Variants in LRRC37A2 observed in about 807,000 individuals in gnomAD.
LRRC37A2 encodes the protein leucine-rich repeat-containing protein 37A2.
A neutral mutation model predicts 68.8 loss-of-function variants in LRRC37A2; 9 were observed. That is an observed-to-expected ratio of 0.13 (90% confidence interval 0.08 to 0.23). LRRC37A2 has a LOEUF of 0.23. Among genes scored for constraint, LRRC37A2 ranks in the 10% least tolerant of loss-of-function variants. The pLI is 1.00. For synonymous variants in LRRC37A2, 63 were observed against 367.6 expected (o/e 0.17, Z 9.48); for missense variants, 168 against 950.4 (o/e 0.18, Z 10.82).
the LRRC37A2 span, among the ~76,000 whole-genome samples, chr17:46,900,162 CATATACATATATATAT>C: frequency 0.012 from 1,243 of 101,106 alleles, 33 homozygotes; most frequent in African/African-American, 0.03. Flanking sequence ...TATATATATA[CATATACATATATATAT>C]ATATATATAT....
chr17:46,782,869 G>T, the LRRC37A2 span, among the ~76,000 whole-genome samples: 1 of 152,220 alleles, frequency 6.6e-6, no homozygotes, highest in South Asian at 2.1e-4. Flanking sequence ...CACCCTGCGG[G>T]TACTGAGCAC....
At chr17:47,027,686 C>T in the LRRC37A2 span, 3 of 811,542 alleles carry the variant, frequency 3.7e-6, no homozygotes, top group South Asian at 1.4e-5. Context: ...TAATTATAAA[C>T]CTCTTTGCTA....
the LRRC37A2 span, chr17:46,875,118 T>C: frequency 6.2e-7 from 1 of 1,613,834 alleles, no homozygotes; most frequent in South Asian, 1.1e-5. Context: ...AGAGACAGCT[T>C]TCCTGTACGC....
At chr17:46,834,552 C>G in the LRRC37A2 span, among the ~76,000 whole-genome samples, 9 of 152,314 alleles carry the variant, frequency 5.9e-5, no homozygotes, top group Non-Finnish European at 7.3e-5. Context: ...CTGATTTCAT[C>G]TCAAGAACGG....
At chr17:46,930,685 TTACTA>T in the LRRC37A2 span, 1 of 157,674 alleles carries the variant, frequency 6.3e-6, no homozygotes, top group Non-Finnish European at 1.4e-5. Context: ...AAAAAACTCA[TTACTA>T]TAGGGAATTC....
rs1453761428 is a variant in LRRC37A2, at chr17:46,544,965, C to T, written c.3054-1290C>T. Reference sequence around the variant, plus strand: ...TTTTTTAAGAGTCAAAGATAGTTGTCTTGTAAATTGTCCCACAATCCAGAT... The same window carrying T: ...TTTTTTAAGAGTCAAAGATAGTTGTTTTGTAAATTGTCCCACAATCCAGAT... On this transcript the variant is annotated intron_variant, in intron 8 of 14. Coordinates refer to ENST00000576629, the Ensembl canonical transcript of LRRC37A2. Among the ~76,000 whole-genome samples the T allele has an allele frequency of 2.1e-5, 3 of 140,384 alleles. 1 individual carries two copies. In the East Asian group the frequency reaches 6.3e-4, roughly 30 times the overall value. The allele number at this position is 140,384 out of a possible 152,430, so 92.1% of individuals were successfully genotyped here. A position where few individuals can be genotyped will look rare whatever the true frequency, so the allele number is the denominator to read the frequency against.
At chr17:46,492,338 C>A in the LRRC37A2 span, among the ~76,000 whole-genome samples, 1 of 150,930 alleles carries the variant, frequency 6.6e-6, no homozygotes, top group Non-Finnish European at 1.5e-5. Flanking sequence ...TAAGATTCAT[C>A]TGTGTTGTTG....
At chr17:46,935,640 C>G in the LRRC37A2 span, 1 of 1,005,176 alleles carries the variant, frequency 9.9e-7, no homozygotes, top group Non-Finnish European at 1.2e-6. Flanking sequence ...TTAGGGCTGC[C>G]TGGTTGTTTG....
the LRRC37A2 span, chr17:46,768,192 A>G: frequency 6.9e-7 from 1 of 1,440,198 alleles, no homozygotes; most frequent in Admixed American, 2.0e-5. The surrounding 1 kb of genome is among the most constrained non-coding windows in gnomAD (Gnocchi z 5.0). Flanking sequence ...TGGCTGTGGG[A>G]ACTTGTGTGT....
the LRRC37A2 span, among the ~76,000 whole-genome samples, chr17:46,955,071 A>T: frequency 1.3e-5 from 2 of 152,060 alleles, no homozygotes; most frequent in African/African-American, 4.8e-5. Flanking sequence ...GAGTGGTGAG[A>T]GCGGGCATCC....
chr17:46,992,094 C>T, the LRRC37A2 span, among the ~76,000 whole-genome samples: 33 of 152,086 alleles, frequency 2.2e-4, no homozygotes, highest in African/African-American at 7.2e-4. Context: ...GGCATGGTGG[C>T]TCATGCCTGT....
the LRRC37A2 span, among the ~76,000 whole-genome samples, chr17:46,747,912 C>T: frequency 1.3e-5 from 2 of 151,838 alleles, no homozygotes; most frequent in African/African-American, 4.8e-5. Flanking sequence ...AATCTAGTGC[C>T]AGCAAAATGA....
At chr17:46,490,494 G>A in the LRRC37A2 span, among the ~76,000 whole-genome samples, 10 of 150,994 alleles carry the variant, frequency 6.6e-5, 1 homozygote, top group African/African-American at 2.0e-4. Context: ...AGGCCGAGGC[G>A]GGTGGATTGC....
the LRRC37A2 span, among the ~76,000 whole-genome samples, chr17:47,013,757 G>A: frequency 6.6e-6 from 1 of 152,246 alleles, no homozygotes; most frequent in African/African-American, 2.4e-5. Context: ...AATAGCTGTG[G>A]AGTATGACCC....
At chr17:46,769,312 T>A in the LRRC37A2 span, among the ~76,000 whole-genome samples, 1 of 97,352 alleles carries the variant, frequency 1.0e-5, no homozygotes. Flanking sequence ...CGAGACTCCG[T>A]CTCAAAAAAA....
the LRRC37A2 span, among the ~76,000 whole-genome samples, chr17:46,820,481 G>C: frequency 6.6e-6 from 1 of 152,028 alleles, no homozygotes; most frequent in Admixed American, 6.5e-5. Context: ...GAAAGGGGCA[G>C]GGGGGAGGCG....
the LRRC37A2 span, among the ~76,000 whole-genome samples, chr17:46,927,871 G>A: frequency 5.3e-5 from 8 of 151,686 alleles, no homozygotes; most frequent in Admixed American, 1.3e-4. Context: ...GTCACTGTTC[G>A]TGTTGATCAT....
the LRRC37A2 span, chr17:46,931,521 G>C: frequency 2.4e-6 from 1 of 424,800 alleles, no homozygotes; most frequent in East Asian, 4.8e-5. Context: ...ATGGAGTTTT[G>C]TTCTGCTCTT....
At chr17:46,836,571 G>A in the LRRC37A2 span, among the ~76,000 whole-genome samples, 1 of 152,244 alleles carries the variant, frequency 6.6e-6, no homozygotes, top group African/African-American at 2.4e-5. Context: ...GTCAATTTCT[G>A]AAGCAGTTGG....
Sources: allele counts gnomAD v4.1 joint callset (sites outside exome capture counted in the v4.1 genomes callset), GRCh38; gene constraint gnomAD v4.1.1; non-coding constraint Gnocchi (gnomAD v3.1); transcripts MANE v1.5; gene names NCBI Gene and HGNC (gene_info 2026-07-23, HGNC 2026-07-21).